DNAH6: variants seen among roughly 807,000 people sequenced by gnomAD.
DNAH6 encodes the protein dynein axonemal heavy chain 6, also known as axonemal beta dynein heavy chain 6.
A neutral mutation model predicts 491.4 loss-of-function variants in DNAH6; 340 were observed. That is an observed-to-expected ratio of 0.69 (90% CI 0.63 to 0.76). The LOEUF (loss-of-function observed/expected upper bound fraction) is 0.76. DNAH6 is among the 30% of genes least tolerant of loss of function. DNAH6 has a pLI of 0.00. For missense variants in DNAH6, 4,443 were observed against 4,972.2 expected, an observed-to-expected ratio of 0.89 and a Z score of 3.20; for synonymous variants, 1,603 against 1,686.1, an observed-to-expected ratio of 0.95 and a Z score of 1.21.
At chr2:84,656,274 G>A (rs552819572) in intron 35 of DNAH6, among the ~76,000 whole-genome samples, 48 of 152,242 alleles carry the variant, frequency 3.2e-4, no homozygotes, top group Admixed American at 7.9e-4. Context: ...AGGTTTTTGT[G>A]TGGACATAGT....
At chr2:84,686,187 CAA>C (rs35851483) in intron 43 of DNAH6, among the ~76,000 whole-genome samples, 282 of 120,560 alleles carry the variant, frequency 2.3e-3, no homozygotes, top group African/African-American at 6.8e-3. Flanking sequence ...GACTCCGTCT[CAA>C]AAAAAAAAAA....
chr2:84,568,291 T>C (rs1004379473), intron 11 of DNAH6, among the ~76,000 whole-genome samples: 9 of 152,178 alleles, frequency 5.9e-5, no homozygotes, highest in African/African-American at 2.2e-4. Context: ...TGCAGGACTA[T>C]TCACAATCAC....
chr2:84,602,203 T>C (rs957068066), intron 18 of DNAH6, among the ~76,000 whole-genome samples: 1 of 152,096 alleles, frequency 6.6e-6, no homozygotes, highest in African/African-American at 2.4e-5. Flanking sequence ...TGGATCTAAG[T>C]TTCTGACTCA....
intron 61 of DNAH6, among the ~76,000 whole-genome samples, chr2:84,732,770 G>A (rs549886198): frequency 2.1e-4 from 32 of 152,314 alleles, no homozygotes; most frequent in African/African-American, 7.7e-4. Context: ...GAATTGCTTA[G>A]CATATAAATT....
chr2:84,782,926 T>G (rs892375975), intron 65 of DNAH6, among the ~76,000 whole-genome samples: 19 of 152,208 alleles, frequency 1.2e-4, no homozygotes, highest in African/African-American at 4.6e-4. Flanking sequence ...ATTTGCCAGT[T>G]CTTCAAGGAG....
chr2:84,704,037 C>A, intron 50 of DNAH6, 30 bp from the exon 51 acceptor site: 1 of 1,485,860 alleles, frequency 6.7e-7, no homozygotes, highest in South Asian at 1.3e-5. Context: ...AATAATGAGG[C>A]CACTTAAGCA....
intron 60 of DNAH6, among the ~76,000 whole-genome samples, chr2:84,724,414 T>G (rs1385219908): frequency 1.3e-5 from 2 of 152,228 alleles, no homozygotes; most frequent in African/African-American, 4.8e-5. Flanking sequence ...TAGCCTGGAA[T>G]TCAAAGCCAA....
At chr2:84,583,887 A>C (rs1293346541) in intron 14 of DNAH6, 112 bp from the exon 15 acceptor site, 7 of 1,114,548 alleles carry the variant, frequency 6.3e-6, no homozygotes, top group Non-Finnish European at 7.7e-6. Flanking sequence ...GCAGCAGCAG[A>C]ACAGACTAAT....
At chr2:84,507,006 C>T in the DNAH6 span, among the ~76,000 whole-genome samples, 5 of 152,144 alleles carry the variant, frequency 3.3e-5, no homozygotes, top group African/African-American at 1.2e-4. Flanking sequence ...AGCGTGATGC[C>T]TCCAGCTTTG....
chr2:84,472,467 G>A, the DNAH6 span, among the ~76,000 whole-genome samples: 3 of 152,014 alleles, frequency 2.0e-5, no homozygotes, highest in Admixed American at 6.5e-5. Flanking sequence ...GATAAAATGT[G>A]AATAGGTATC....
intron 3 of DNAH6, among the ~76,000 whole-genome samples, chr2:84,527,799 T>A (rs1224809236): frequency 1.3e-5 from 2 of 152,192 alleles, no homozygotes; most frequent in Admixed American, 1.3e-4. Context: ...TCCCTGTGAG[T>A]ACAAATTTTC....
chr2:84,624,822 C>T (rs1687709604), intron 28 of DNAH6, 80 bp from the exon 29 acceptor site: 4 of 1,373,680 alleles, frequency 2.9e-6, no homozygotes, highest in African/African-American at 3.0e-5. Flanking sequence ...AATAATAATC[C>T]TTCCCCCATA....
intron 76 of DNAH6, among the ~76,000 whole-genome samples, chr2:84,817,211 C>A (rs973142720): frequency 2.0e-5 from 3 of 151,206 alleles, no homozygotes; most frequent in African/African-American, 7.3e-5. Flanking sequence ...CTCAAAATAA[C>A]CAAAGAGAAG....
At chr2:84,573,731 T>C (rs1282856070) in intron 12 of DNAH6, 144 bp downstream of exon 12, 7 of 630,994 alleles carry the variant, frequency 1.1e-5, no homozygotes, top group Non-Finnish European at 1.6e-5. Context: ...TTAATTCATT[T>C]CTAGGTTATT....
At chr2:84,714,736 G>T (rs539702057) in intron 57 of DNAH6, among the ~76,000 whole-genome samples, 2 of 151,886 alleles carry the variant, frequency 1.3e-5, no homozygotes, top group South Asian at 4.2e-4. Context: ...TTGAGAGGGT[G>T]TATTGCCCAC....
intron 18 of DNAH6, among the ~76,000 whole-genome samples, chr2:84,599,410 A>G (rs1685007983): frequency 6.6e-6 from 1 of 152,002 alleles, no homozygotes; most frequent in African/African-American, 2.4e-5. Context: ...TTCAAACTTA[A>G]GGTCACACAT....
At chr2:84,512,884 A>G (rs1004438341), upstream of DNAH6, among the ~76,000 whole-genome samples, 14 of 152,142 alleles carry the variant, frequency 9.2e-5, no homozygotes, top group Non-Finnish European at 1.9e-4. Context: ...AATCTAAAGT[A>G]TGTCTCTTAT....
At chr2:84,699,532 A>G in intron 47 of DNAH6, 62 bp from the exon 48 acceptor site, 3 of 1,443,852 alleles carry the variant, frequency 2.1e-6, no homozygotes, top group African/African-American at 1.4e-5. Context: ...ATTAGCCAAC[A>G]CTTATTTTCA....
At chr2:84,578,729 T>C (rs1682718351) in intron 13 of DNAH6, among the ~76,000 whole-genome samples, 1 of 152,214 alleles carries the variant, frequency 6.6e-6, no homozygotes, top group Admixed American at 6.5e-5. Context: ...AGGTTCACAC[T>C]TGATATGGTT....
Sources: allele counts gnomAD v4.1 joint callset (sites outside exome capture counted in the v4.1 genomes callset), GRCh38; gene constraint gnomAD v4.1.1; transcripts MANE v1.5; gene names NCBI Gene and HGNC (gene_info 2026-07-23, HGNC 2026-07-21).